The following TET3 variants were observed in gnomAD, a reference collection of about 807,000 sequenced individuals.
TET3 encodes the protein methylcytosine dioxygenase TET3.
TET3 carries 19 observed loss-of-function variants against 141.4 expected under a neutral mutation model. The ratio of observed to expected loss-of-function variants is 0.13; its 90% CI spans 0.09 to 0.20. The LOEUF (loss-of-function observed/expected upper bound fraction) is 0.20. Ranked by LOEUF, TET3 falls within the 10% of genes least tolerant of loss-of-function variation. The pLI, the probability that TET3 is intolerant of heterozygous loss-of-function variation, is 1.00. For synonymous variants in TET3, 1,043 were observed against 980.9 expected, an observed-to-expected ratio of 1.06 and a Z score of -1.18; for missense variants, 1,874 against 2,356.9, an observed-to-expected ratio of 0.80 and a Z score of 4.24.
intron 4 of TET3, among the ~76,000 whole-genome samples, chr2:74,063,176 G>C (rs1688691083): frequency 7.0e-6 from 1 of 142,294 alleles, no homozygotes; most frequent in South Asian, 2.1e-4. Flanking sequence ...GAGCCACCAT[G>C]CCTGGCCTGA....
upstream of TET3, among the ~76,000 whole-genome samples, chr2:73,984,732 C>G (rs1263674702): frequency 2.0e-5 from 3 of 149,574 alleles, no homozygotes; most frequent in African/African-American, 7.4e-5. The surrounding 1 kb of genome is among the most constrained non-coding windows in gnomAD (Gnocchi z 5.6). Context: ...CGGGCCGGAG[C>G]CTGCCCCAAG....
chr2:74,048,397 C>T lies in TET3; in HGVS notation c.2480C>T (p.Thr827Ile), dbSNP rs771140780. Residue 827 changes from threonine (T) to isoleucine (I), a missense_variant, in exon 4 of 12, where the codon ACC becomes ATC. Coordinates refer to ENST00000409262, the MANE Select transcript of TET3 (RefSeq NM_001287491.2). ...AAGAGAGCCCAGGCCGAGTTCCCCA[C>T]CTGCGATTGCGTCGGTAAGTCCGCC... The part of the protein sequence containing the change: ...PAKRAQAEFP[T>I]CDCVEQIVEK... The T allele has an allele frequency of 6.2e-6, 10 of 1,608,118 alleles. No homozygotes were observed. Among genetic ancestry groups the T allele is most frequent in the South Asian group, 5.5e-5 (5 of 90,858 alleles).
At position 74,085,674 on chromosome 2, in the gene TET3, AGGAGGTGGAGCTCAGGCG is replaced by A. The variant is rs575894331; in HGVS notation, c.2680-2154_2680-2137del. On this transcript the variant is annotated intron_variant, in intron 6 of 11. Transcript: ENST00000409262. ...AATCTAAAGCTGCTGCTGATCTGAC[AGGAGGTGGAGCTCAGGCG>A]GTAACGCCCGCTCGCCTGCTGCTCA... Among the ~76,000 whole-genome samples the A allele has an allele frequency of 3.9e-3, 592 of 152,338 alleles. 8 individuals are homozygous for A. The highest frequency in any genetic ancestry group is 0.013 in the African/African-American group (552 of 41,572).
the TET3 span, among the ~76,000 whole-genome samples, chr2:74,114,946 A>G: frequency 6.6e-6 from 1 of 151,500 alleles, no homozygotes; most frequent in African/African-American, 2.4e-5. Flanking sequence ...TATACAAAAA[A>G]TCAACTCAAA....
chr2:73,987,699 A>G (rs1281578398), intron 2 of TET3, among the ~76,000 whole-genome samples: 2 of 152,198 alleles, frequency 1.3e-5, no homozygotes, highest in African/African-American at 2.4e-5. Context: ...CATTTGTCCA[A>G]GGGCCCAGAC....
intron 4 of TET3, among the ~76,000 whole-genome samples, chr2:74,062,007 C>A: frequency 6.6e-6 from 1 of 152,176 alleles, no homozygotes; most frequent in East Asian, 1.9e-4. Flanking sequence ...CTCCTCACTT[C>A]CCAGACGGGG....
Position 74,046,928 on chromosome 2 carries a change from G to A in TET3, c.1011G>A (p.Leu337=). 1 of 1,613,916 alleles carries A rather than the reference G, an allele frequency of 6.2e-7. No homozygotes were observed. Among genetic ancestry groups the A allele is most frequent in the African/African-American group, 1.3e-5 (1 of 75,048 alleles). Residue 337 remains leucine, a synonymous_variant, in exon 4 of 12, where the codon CTG becomes CTA. Transcript: ENST00000409262. This position sits in a 1 kb window ranked among gnomAD's most constrained non-coding sequence, Gnocchi z 4.3. ...EVPQISPQEG[L]PLSQSALSIA... ...CCCAGATCTCTCCCCAAGAGGGCCT[G>A]CCCCTGTCCCAGAGTGCCCTGAGCA...
chr2:74,051,570 A>G lies in TET3; in HGVS notation c.2494+3159A>G, dbSNP rs749446509. 3.5e-4 allele frequency among the ~76,000 whole-genome samples: 53 copies of G among 152,334 alleles called. No homozygotes were observed. The Middle Eastern group carries it at 0.02, about 59-fold the overall frequency. On this transcript the variant is annotated intron_variant, in intron 4 of 11. Coordinates refer to ENST00000409262, the MANE Select transcript of TET3 (RefSeq NM_001287491.2). ...ATGCTAGCAGTAGCATGGAAGGTGG[A>G]TTGGTGAAGGGTGATAACCCTGTGG...
chr2:74,064,454 C>T (rs1266823010), intron 4 of TET3, among the ~76,000 whole-genome samples: 2 of 152,034 alleles, frequency 1.3e-5, no homozygotes, highest in African/African-American at 4.8e-5. Context: ...GGCTGGAGTT[C>T]GGTGGTGTGA....
intron 2 of TET3, among the ~76,000 whole-genome samples, chr2:73,995,012 G>C (rs1684521844): frequency 6.6e-6 from 1 of 152,112 alleles, no homozygotes; most frequent in Non-Finnish European, 1.5e-5. Flanking sequence ...CCAGGCTGGA[G>C]TACAGTGGCG....
At chr2:74,043,596 G>T (rs183331336) in intron 3 of TET3, among the ~76,000 whole-genome samples, 1 of 152,156 alleles carries the variant, frequency 6.6e-6, no homozygotes, top group African/African-American at 2.4e-5. Context: ...CAGGGAGGCC[G>T]CTCTAAGAGG....
Position 73,986,269 on chromosome 2 carries a change from A to C in TET3, c.-135A>C. The C allele has an allele frequency of 4.0e-6, 3 of 750,750 alleles. No homozygotes were observed. Among genetic ancestry groups the C allele is most frequent in the Non-Finnish European group, 5.5e-6 (3 of 549,342 alleles). The allele number at this position is 750,750 out of a possible 1,614,324, so 46.5% of individuals were successfully genotyped here. A position where few individuals can be genotyped will look rare whatever the true frequency, so the allele number is the denominator to read the frequency against. On this transcript the variant is annotated 5_prime_UTR_variant, in exon 2 of 12. Coordinates refer to ENST00000409262, the MANE Select transcript of TET3 (RefSeq NM_001287491.2). Reference sequence around the variant, plus strand: ...TTGAGAAGAGGCATCCATCCACGAGACTGAAGCCACTTGCCTTCACCCTTG... The same window carrying C: ...TTGAGAAGAGGCATCCATCCACGAGCCTGAAGCCACTTGCCTTCACCCTTG...
intron 2 of TET3, among the ~76,000 whole-genome samples, chr2:73,988,519 GT>G (rs1429525832): frequency 6.6e-6 from 1 of 152,192 alleles, no homozygotes; most frequent in Non-Finnish European, 1.5e-5. Context: ...TTGTCATCCT[GT>G]GTGTAAGCTG....
At position 74,099,694 on chromosome 2, in the gene TET3, C is replaced by G. The variant is rs953221210; in HGVS notation, c.3604+82C>G. ...CCCTGCTCTTCCACGCACCCTCCTGCATCACACTGGAACTGGGGCCTCTGC... is the reference window on the plus strand; with the variant it reads ...CCCTGCTCTTCCACGCACCCTCCTGGATCACACTGGAACTGGGGCCTCTGC... On this transcript the variant is annotated intron_variant, in intron 11 of 11. Coordinates refer to ENST00000409262, the MANE Select transcript of TET3 (RefSeq NM_001287491.2). 1.9e-5 allele frequency: 25 copies of G among 1,347,054 alleles called. No individual in the cohort carries two copies. In the African/African-American group the frequency reaches 3.7e-4, roughly 20 times the overall value. The allele number at this position is 1,347,054 out of a possible 1,614,324, so 83.4% of individuals were successfully genotyped here.
In TET3 at chr2:74,073,695, A is replaced by T. The variant is rs548600466; in HGVS notation, c.2585+56A>T. ...TGGATGTGCTGTTAATGGAATACGG[A>T]TATTAAGCGCCTCTCATTTTTCTTT... On this transcript the variant is annotated intron_variant, in intron 5 of 11. Transcript: ENST00000409262. 6 of 1,396,998 alleles carry T rather than the reference A, an allele frequency of 4.3e-6. No homozygotes were observed. The Admixed American group carries it at 1.1e-4, about 27-fold the overall frequency. The allele number at this position is 1,396,998 out of a possible 1,614,324, so 86.5% of individuals were successfully genotyped here. A position where few individuals can be genotyped will look rare whatever the true frequency, so the allele number is the denominator to read the frequency against.
At chr2:74,030,434 A>T (rs1316738778) in intron 3 of TET3, among the ~76,000 whole-genome samples, 2 of 152,192 alleles carry the variant, frequency 1.3e-5, no homozygotes, top group Non-Finnish European at 2.9e-5. Context: ...TAGTTTACCA[A>T]ACCAAGCCCC....
intron 10 of TET3, among the ~76,000 whole-genome samples, chr2:74,096,614 A>G (rs540619114): frequency 2.6e-5 from 4 of 151,904 alleles, no homozygotes; most frequent in African/African-American, 4.8e-5. Flanking sequence ...TAAAAATACA[A>G]AAAGTTAGCT....
chr2:74,051,123 C>CA (rs1687919835), intron 4 of TET3, among the ~76,000 whole-genome samples: 1 of 152,178 alleles, frequency 6.6e-6, no homozygotes. Context: ...TGCATAAGCA[C>CA]AGTCTTGGGG....
At chr2:74,108,784 T>TA (rs1359979502), downstream of TET3, among the ~76,000 whole-genome samples, 1 of 152,196 alleles carries the variant, frequency 6.6e-6, no homozygotes, top group Non-Finnish European at 1.5e-5. Flanking sequence ...GCATGAAACA[T>TA]CTGACTGAAA....
Sources: gnomAD v4.1 joint callset for allele counts (sites outside exome capture counted in the v4.1 genomes callset) on GRCh38, gnomAD v4.1.1 for gene constraint, Gnocchi (gnomAD v3.1) non-coding constraint, MANE v1.5 for transcripts, NCBI Gene and HGNC (gene_info 2026-07-23, HGNC 2026-07-21) for gene names.